The following PPP1R12B variants were observed in gnomAD, a reference collection of about 807,000 sequenced individuals.
The protein encoded by PPP1R12B is myosin phosphatase target subunit 2.
Under a neutral mutation model 126.1 loss-of-function variants are expected in PPP1R12B, and 76 were observed. The ratio of observed to expected loss-of-function variants is 0.60; its 90% CI spans 0.50 to 0.73. PPP1R12B has a LOEUF of 0.73. Among genes scored for constraint, PPP1R12B ranks in the 30% least tolerant of loss-of-function variants. The pLI, the probability that PPP1R12B is intolerant of heterozygous loss-of-function variation, is 0.00. For synonymous variants in PPP1R12B, 356 were observed against 434.7 expected (o/e 0.82, Z 2.25); for missense variants, 1,052 against 1,205.1 (o/e 0.87, Z 1.88).
At chr1:202,392,575 G>A (rs541468475) in intron 1 of PPP1R12B, among the ~76,000 whole-genome samples, 168 of 150,934 alleles carry the variant, frequency 1.1e-3, no homozygotes, top group Non-Finnish European at 2.1e-3. Context: ...AGGCTGGAGT[G>A]CAGTGGCGCA....
At chr1:202,359,676 G>A (rs895715605) in intron 1 of PPP1R12B, among the ~76,000 whole-genome samples, 1 of 138,656 alleles carries the variant, frequency 7.2e-6, no homozygotes, top group African/African-American at 2.6e-5. Context: ...AGCTACTGGC[G>A]GTGGGGGGTG....
chr1:202,380,265 T>C (rs890347498), intron 1 of PPP1R12B, among the ~76,000 whole-genome samples: 2 of 152,152 alleles, frequency 1.3e-5, no homozygotes, highest in South Asian at 4.1e-4. Context: ...GTTCTCATGA[T>C]ACGTTGTTGC....
At chr1:202,429,786 G>A (rs979578743) in intron 6 of PPP1R12B, among the ~76,000 whole-genome samples, 10 of 152,146 alleles carry the variant, frequency 6.6e-5, no homozygotes, top group Non-Finnish European at 1.5e-4. Flanking sequence ...TAGGACAAAT[G>A]TGGAAAACAG....
At chr1:202,444,045 A>G (rs1031135202) in intron 12 of PPP1R12B, among the ~76,000 whole-genome samples, 1 of 152,132 alleles carries the variant, frequency 6.6e-6, no homozygotes, top group African/African-American at 2.4e-5. Flanking sequence ...GCATTTTTTG[A>G]TTTTATAAAA....
At chr1:202,446,256 A>ATATATATATATAT (rs376183502) in intron 12 of PPP1R12B, among the ~76,000 whole-genome samples, 1 of 54,338 alleles carries the variant, frequency 1.8e-5, no homozygotes, top group Non-Finnish European at 3.2e-5. Flanking sequence ...ATATATATAT[A>ATATATATATATAT]TTTTTTTTTT....
At chr1:202,486,043 G>A (rs1478175486) in intron 13 of PPP1R12B, among the ~76,000 whole-genome samples, 1 of 152,042 alleles carries the variant, frequency 6.6e-6, no homozygotes, top group Non-Finnish European at 1.5e-5. Context: ...CACTGCACCC[G>A]GCTAATTTTT....
At chr1:202,498,983 C>T (rs1299787421) in intron 18 of PPP1R12B, among the ~76,000 whole-genome samples, 1 of 152,034 alleles carries the variant, frequency 6.6e-6, no homozygotes, top group Non-Finnish European at 1.5e-5. Context: ...TATCTCTTCC[C>T]AAGACTCTAA....
At chr1:202,444,436 T>C (rs913803345) in intron 12 of PPP1R12B, among the ~76,000 whole-genome samples, 1 of 152,238 alleles carries the variant, frequency 6.6e-6, no homozygotes, top group Admixed American at 6.5e-5. Flanking sequence ...ACAGTATTAC[T>C]TTCTAGACTT....
chr1:202,496,703 T>C, intron 17 of PPP1R12B, 78 bp from the exon 18 acceptor site: 1 of 1,301,638 alleles, frequency 7.7e-7, no homozygotes, highest in South Asian at 1.3e-5. Context: ...GATGCATAAT[T>C]GATGGGATCT....
At chr1:202,436,280 C>A (rs1670805296) in intron 9 of PPP1R12B, among the ~76,000 whole-genome samples, 2 of 151,952 alleles carry the variant, frequency 1.3e-5, no homozygotes, top group Non-Finnish European at 2.9e-5. Flanking sequence ...ACAACAACAA[C>A]AACAACAACA....
rs141572166 is a variant in PPP1R12B at position 202,422,658 on chromosome 1, A to G, written c.461A>G (p.Asn154Ser). The change falls in exon 3 of 24, where the codon AAT becomes AGT. Residue 154 changes from asparagine (N) to serine (S), a missense_variant. Physicochemically the swap from Asn to Ser is conservative, Grantham distance 46. Transcript: ENST00000608999. ...INHGASVGIVNSEGEVPSDLA... is the reference protein window; with the variant it reads ...INHGASVGIVSSEGEVPSDLA... The stretch of plus-strand genomic sequence containing the variant: ...CACGGAGCCAGTGTAGGTATTGTCA[A>G]TAGTGAAGGTGAAGTTCCCTCTGAC... 26 of 1,613,872 alleles carry G rather than the reference A, an allele frequency of 1.6e-5. No individual in the cohort carries two copies. The highest frequency in any genetic ancestry group is 1.5e-4 in the African/African-American group (11 of 75,046).
chr1:202,428,848 C>T lies in PPP1R12B; in HGVS notation c.847-7C>T. On this transcript the variant is annotated splice_region_variant and splice_polypyrimidine_tract_variant and intron_variant, in intron 5 of 23. Transcript: ENST00000608999. ...CTATCAGTCATGGTGCTCCTTTTCT[C>T]TGCCAGGGCCAGACACCATTTGATG... is the stretch of plus-strand genomic sequence containing the variant. 6.2e-7 allele frequency: 1 copy of T among 1,604,048 alleles called. No individual in the cohort carries two copies. Among genetic ancestry groups the T allele is most frequent in the Non-Finnish European group, 8.5e-7 (1 of 1,175,868 alleles).
At chr1:202,523,861 C>T (rs776568057) in intron 18 of PPP1R12B, among the ~76,000 whole-genome samples, 7 of 152,034 alleles carry the variant, frequency 4.6e-5, no homozygotes, top group Non-Finnish European at 8.8e-5. Flanking sequence ...ATTACAGGTG[C>T]ATGCCACCAC....
At chr1:202,351,310 CTGCA>C (rs34719063) in intron 1 of PPP1R12B, among the ~76,000 whole-genome samples, 147,793 of 151,874 alleles carry the variant, frequency 0.97, 71,987 homozygotes, top group East Asian at 1. Flanking sequence ...TCTCAGCTCA[CTGCA>C]TGCAACCTCC....
intron 1 of PPP1R12B, among the ~76,000 whole-genome samples, chr1:202,371,549 T>C (rs1405513620): frequency 2.6e-5 from 4 of 152,084 alleles, no homozygotes; most frequent in African/African-American, 9.7e-5. Flanking sequence ...TTTTTTATTA[T>C]TGATTTGTAG....
At chr1:202,550,858 G>C (rs1686234504) in intron 18 of PPP1R12B, among the ~76,000 whole-genome samples, 2 of 152,188 alleles carry the variant, frequency 1.3e-5, no homozygotes, top group Non-Finnish European at 2.9e-5. Context: ...GCTTGCCTTA[G>C]GTATTTTATG....
chr1:202,519,417 A>G (rs1419666175), intron 18 of PPP1R12B, among the ~76,000 whole-genome samples: 1 of 151,932 alleles, frequency 6.6e-6, no homozygotes, highest in East Asian at 1.9e-4. Context: ...GGTGTTCACC[A>G]CTACACCCAG....
Position 202,525,133 on chromosome 1 carries a change from C to T in PPP1R12B, c.2490+28311C>T, listed in dbSNP as rs1683183769. Reference sequence around the variant, plus strand: ...ACCTCAAGTGATCTTCCCACCTTGGCTTCCCAAAGTGCTGGGATTACAGGT... The same window carrying T: ...ACCTCAAGTGATCTTCCCACCTTGGTTTCCCAAAGTGCTGGGATTACAGGT... On this transcript the variant is annotated intron_variant, in intron 18 of 23. Transcript: ENST00000608999. 2.6e-5 allele frequency among the ~76,000 whole-genome samples: 4 copies of T among 152,324 alleles called. No individual in the cohort carries two copies. In the South Asian group the frequency reaches 8.3e-4, roughly 32 times the overall value.
intron 1 of PPP1R12B, among the ~76,000 whole-genome samples, chr1:202,359,595 C>T (rs776046366): frequency 2.7e-5 from 4 of 147,670 alleles, no homozygotes; most frequent in African/African-American, 7.5e-5. Flanking sequence ...GCCTAGCCAA[C>T]ATGGTGAAAC....
Sources: gnomAD v4.1 joint callset for allele counts (sites outside exome capture counted in the v4.1 genomes callset) on GRCh38, gnomAD v4.1.1 for gene constraint, MANE v1.5 for transcripts, NCBI Gene and HGNC (gene_info 2026-07-23, HGNC 2026-07-21) for gene names.